The following TUFT1 variants were observed in gnomAD, a reference collection of about 807,000 sequenced individuals.
The protein encoded by TUFT1 is tuftelin.
In TUFT1, 43 loss-of-function variants were observed where a neutral mutation model predicts 57.8. The observed-to-expected ratio is 0.74, with a 90% CI of 0.58 to 0.96. TUFT1 has a LOEUF of 0.96. TUFT1 is among the 40% of genes least tolerant of loss of function. The pLI is 0.00. For missense variants in TUFT1, 459 were observed against 489.0 expected, an observed-to-expected ratio of 0.94 and a Z score of 0.58; for synonymous variants, 166 against 176.7, an observed-to-expected ratio of 0.94 and a Z score of 0.48.
chr1:151,581,492 T>G, intron 12 of TUFT1, 152 bp from the exon 13 acceptor site: 1 of 689,062 alleles, frequency 1.5e-6, no homozygotes, highest in Non-Finnish European at 2.5e-6. Context: ...CACTGATAAT[T>G]ACTGTTTTAA....
At chr1:151,572,491 AAACAT>A (rs1666288891) in intron 7 of TUFT1, among the ~76,000 whole-genome samples, 1 of 152,198 alleles carries the variant, frequency 6.6e-6, no homozygotes, top group African/African-American at 2.4e-5. Flanking sequence ...GTACATAAAT[AAACAT>A]AAATAAATGT....
At chr1:151,558,562 C>A (rs910865302) in intron 1 of TUFT1, among the ~76,000 whole-genome samples, 1 of 151,392 alleles carries the variant, frequency 6.6e-6, no homozygotes, top group African/African-American at 2.4e-5. Flanking sequence ...TTCAACTGAC[C>A]CTCTTTCTCC....
intron 1 of TUFT1, chr1:151,557,963 T>C: frequency 1.7e-6 from 1 of 575,134 alleles, no homozygotes; most frequent in South Asian, 1.5e-5. Context: ...TTATTTTGCA[T>C]TGAATAAACT....
chr1:151,562,008 A>G (rs886091467), intron 1 of TUFT1, 83 bp from the exon 2 acceptor site: 2 of 1,500,266 alleles, frequency 1.3e-6, no homozygotes, highest in African/African-American at 2.8e-5. Context: ...CAGAGCTGGC[A>G]GAAGCACCCC....
At chr1:151,554,588 T>C (rs1159786039) in intron 1 of TUFT1, among the ~76,000 whole-genome samples, 1 of 146,586 alleles carries the variant, frequency 6.8e-6, no homozygotes, top group African/African-American at 2.5e-5. Context: ...TTAGTAGAGA[T>C]GGGGTTTCAA....
At chr1:151,543,320 T>C (rs1036961738) in intron 1 of TUFT1, among the ~76,000 whole-genome samples, 15 of 91,924 alleles carry the variant, frequency 1.6e-4, no homozygotes, top group African/African-American at 5.4e-4. Flanking sequence ...ATTTCAGTTA[T>C]ATATATATGT....
chr1:151,574,009 G>C (rs1026295833), intron 7 of TUFT1, among the ~76,000 whole-genome samples: 1 of 152,136 alleles, frequency 6.6e-6, no homozygotes, highest in Non-Finnish European at 1.5e-5. Context: ...TCTGAAAAGT[G>C]GTGCTTGTGG....
intron 4 of TUFT1, 133 bp downstream of exon 4, chr1:151,564,123 C>A: frequency 1.5e-6 from 1 of 678,422 alleles, no homozygotes; most frequent in South Asian, 1.9e-5. Flanking sequence ...GCCACCATGC[C>A]CTCCCGTGTG....
At chr1:151,559,183 A>G (rs1051946616) in intron 1 of TUFT1, among the ~76,000 whole-genome samples, 6 of 152,166 alleles carry the variant, frequency 3.9e-5, no homozygotes, top group Non-Finnish European at 5.9e-5. Context: ...TTTCTTTTGT[A>G]ATATTTTCTT....
In TUFT1 at chr1:151,574,393, G is replaced by GAGAC. The variant is rs1666375629; in HGVS notation, c.719_722dup (p.Glu242AspfsTer26). 6.2e-7 allele frequency: 1 copy of GAGAC among 1,613,996 alleles called. No homozygotes were observed. On this transcript the variant is annotated frameshift_variant, in exon 8 of 13. Transcript: ENST00000368849. LOFTEE classifies it high-confidence loss of function. Reference sequence around the variant, plus strand: ...GCTGCAGAGGCGCTTGCTAGGGATGGAGACGGTAACCGGGGGATCTTGCTT... The same window carrying GAGAC: ...GCTGCAGAGGCGCTTGCTAGGGATGGAGACAGACGGTAACCGGGGGATCTTGCTT...
chr1:151,564,014 C>G, intron 4 of TUFT1, 24 bp downstream of exon 4: 1 of 1,572,024 alleles, frequency 6.4e-7, no homozygotes, highest in South Asian at 1.1e-5. Flanking sequence ...ACCTCTCACG[C>G]AGTGCCTAGG....
chr1:151,546,391 A>G (rs1276587496), intron 1 of TUFT1, among the ~76,000 whole-genome samples: 1 of 152,220 alleles, frequency 6.6e-6, no homozygotes, highest in Non-Finnish European at 1.5e-5. Flanking sequence ...GATATAATTC[A>G]TATACCCCAT....
chr1:151,579,776 G>A, intron 11 of TUFT1, 44 bp downstream of exon 11: 1 of 1,581,964 alleles, frequency 6.3e-7, no homozygotes, highest in South Asian at 1.1e-5. Flanking sequence ...GACTCTTGAA[G>A]AGAAGGTGGA....
intron 5 of TUFT1, chr1:151,564,851 T>G (rs987050205): frequency 8.2e-6 from 3 of 365,770 alleles, no homozygotes; most frequent in Non-Finnish European, 1.5e-5. Context: ...CCTGAAACAC[T>G]GTACAGAAAT....
chr1:151,566,990 C>T (rs1009836748), intron 6 of TUFT1, among the ~76,000 whole-genome samples: 4 of 151,244 alleles, frequency 2.6e-5, no homozygotes, highest in African/African-American at 9.7e-5. Flanking sequence ...GCAATCATGG[C>T]TCACTGCAGC....
At chr1:151,550,896 C>T (rs1307951141) in intron 1 of TUFT1, among the ~76,000 whole-genome samples, 1 of 152,074 alleles carries the variant, frequency 6.6e-6, no homozygotes, top group Non-Finnish European at 1.5e-5. Flanking sequence ...CACTGCACTC[C>T]CGCCTGGGTA....
chr1:151,564,386 C>A, intron 4 of TUFT1, 139 bp from the exon 5 acceptor site: 2 of 638,788 alleles, frequency 3.1e-6, no homozygotes, highest in Non-Finnish European at 5.6e-6. Flanking sequence ...TGACCAAGGT[C>A]CCTCCCTCCA....
At position 151,581,810 on chromosome 1, in the gene TUFT1, T is replaced by C. The variant is rs1666654748; in HGVS notation, c.*103T>C. 7.9e-7 allele frequency: 1 copy of C among 1,270,136 alleles called. No homozygotes were observed. The highest frequency in any genetic ancestry group is 1.5e-5 in the African/African-American group (1 of 67,994). 78.7% of individuals were successfully genotyped at this position (1,270,136 alleles called of 1,614,324 possible). On this transcript the variant is annotated 3_prime_UTR_variant, in exon 13 of 13. Coordinates refer to ENST00000368849, the MANE Select transcript of TUFT1 (RefSeq NM_020127.3). ...TGCCTTTGACTTCCTGACTGTCCCC[T>C]GGCTGCACCCAGGACTTCGGGCTCC...
intron 7 of TUFT1, among the ~76,000 whole-genome samples, chr1:151,573,424 A>G (rs980769996): frequency 3.3e-5 from 5 of 152,242 alleles, no homozygotes; most frequent in Admixed American, 1.3e-4. Flanking sequence ...TTGCTTTCTC[A>G]TTCTAACATT....
Sources: allele counts gnomAD v4.1 joint callset (sites outside exome capture counted in the v4.1 genomes callset), GRCh38; gene constraint gnomAD v4.1.1; transcripts MANE v1.5; gene names NCBI Gene and HGNC (gene_info 2026-07-23, HGNC 2026-07-21).